LRIG2: variants seen among roughly 807,000 people sequenced by gnomAD.
LRIG2 encodes the protein leucine-rich repeats and immunoglobulin-like domains protein 2.
Under a neutral mutation model 107.8 loss-of-function variants are expected in LRIG2, and 93 were observed. The observed-to-expected ratio is 0.86, with a 90% confidence interval of 0.73 to 1.03. The LOEUF (loss-of-function observed/expected upper bound fraction) is 1.03. Among genes scored for constraint, LRIG2 ranks in the 50% least tolerant of loss-of-function variants. The pLI is 0.00. For synonymous variants in LRIG2, 471 were observed against 470.6 expected, an observed-to-expected ratio of 1.00 and a Z score of -0.01; for missense variants, 1,226 against 1,296.0, an observed-to-expected ratio of 0.95 and a Z score of 0.83.
intron 8 of LRIG2, among the ~76,000 whole-genome samples, chr1:113,097,567 CAG>C (rs1654120939): frequency 6.6e-6 from 1 of 152,158 alleles, no homozygotes. Context: ...AATGCAATCT[CAG>C]AAACTTAGAT....
In LRIG2 at chr1:113,096,240, G is replaced by T; in HGVS notation, c.966G>T (p.Gln322His). The part of the protein sequence containing the change: ...RLSELDLSYN[Q>H]LTRLDESAFV... ...TTTTCAGTGATTTGTCCTATAACCA[G>T]CTGACCCGCCTGGATGAATCTGCCT... The change falls in exon 8 of 18, where the codon CAG becomes CAT. Residue 322 changes from glutamine (Q) to histidine (H), a missense_variant. Physicochemically the swap from Gln to His is conservative, Grantham distance 24 (BLOSUM62 0). Around this residue, in one of 3 missense-constraint regions of LRIG2, gnomAD observed 570 missense variants for 550.2 expected, o/e 1.04. Transcript: ENST00000361127. The T allele has an allele frequency of 6.2e-7, 1 of 1,613,898 alleles. No individual in the cohort carries two copies. The highest frequency in any genetic ancestry group is 1.1e-5 in the South Asian group (1 of 90,968).
chr1:113,080,008 G>A (rs899750498), intron 1 of LRIG2, among the ~76,000 whole-genome samples: 36 of 137,408 alleles, frequency 2.6e-4, no homozygotes, highest in Non-Finnish European at 4.4e-4. Flanking sequence ...GAGCCACTGC[G>A]CCTGGCCCGA....
In LRIG2 at chr1:113,094,686, A is replaced by G. The variant is rs773199605; in HGVS notation, c.734A>G (p.Lys245Arg). 166 of 1,613,898 alleles carry G rather than the reference A, an allele frequency of 1.0e-4. No homozygotes were observed. The highest frequency in any genetic ancestry group is 1.3e-4 in the Non-Finnish European group (156 of 1,179,948). ...FQGLDSLRSL[K>R]MQRNGISKLK... Reference sequence around the variant, plus strand: ...GGGCTTGACTCCTTAAGATCTTTGAAAATGCAGCGGAATGGAATTAGCAAA... The same window carrying G: ...GGGCTTGACTCCTTAAGATCTTTGAGAATGCAGCGGAATGGAATTAGCAAA... Residue 245 changes from lysine (K) to arginine (R), a missense_variant, in exon 6 of 18, where the codon AAA becomes AGA. This residue lies in a region of LRIG2 where 570 missense variants were observed against 550.2 expected (regional missense o/e 1.04). Transcript: ENST00000361127.
chr1:113,093,709 C>T, intron 4 of LRIG2, 145 bp downstream of exon 4: 1 of 390,672 alleles, frequency 2.6e-6, no homozygotes, highest in East Asian at 6.1e-5. Context: ...ACCAGCATGG[C>T]ACATGTATAC....
intron 1 of LRIG2, 107 bp downstream of exon 1, chr1:113,073,752 T>A: frequency 9.5e-7 from 1 of 1,047,938 alleles, no homozygotes; most frequent in Non-Finnish European, 1.4e-6. Context: ...GTCGAGAGCC[T>A]AAGCTCTGAA....
intron 2 of LRIG2, 99 bp downstream of exon 2, chr1:113,091,482 A>G: frequency 1.4e-6 from 1 of 703,708 alleles, no homozygotes; most frequent in Non-Finnish European, 2.3e-6. Context: ...CCATAAAAAA[A>G]TTGAAGGAAA....
At chr1:113,086,440 T>G (rs930072684) in intron 1 of LRIG2, among the ~76,000 whole-genome samples, 3 of 152,238 alleles carry the variant, frequency 2.0e-5, no homozygotes, top group African/African-American at 4.8e-5. Context: ...CAATATTTTC[T>G]TATGATTTAA....
At chr1:113,106,895 G>GT (rs1291027653) in intron 11 of LRIG2, among the ~76,000 whole-genome samples, 3 of 152,150 alleles carry the variant, frequency 2.0e-5, no homozygotes, top group African/African-American at 7.2e-5. Flanking sequence ...CCAATATATA[G>GT]TAAGTGTTTC....
At position 113,107,583 on chromosome 1, in the gene LRIG2, C is replaced by A. The variant is rs748162573; in HGVS notation, c.1314-11C>A. 6 of 1,599,692 alleles carry A rather than the reference C, an allele frequency of 3.8e-6. No homozygotes were observed. Among genetic ancestry groups the A allele is most frequent in the Non-Finnish European group, 5.1e-6 (6 of 1,176,164 alleles). Reference sequence around the variant, plus strand: ...AAACAAAGGATGCTTTTCCTCTTTTCTTTCCTGCAGGATTCTGAACACAAG... The same window carrying A: ...AAACAAAGGATGCTTTTCCTCTTTTATTTCCTGCAGGATTCTGAACACAAG... On this transcript the variant is annotated splice_polypyrimidine_tract_variant and intron_variant, in intron 11 of 17. Transcript: ENST00000361127.
chr1:113,094,343 TTAAG>T lies in LRIG2; in HGVS notation c.524_527del (p.Ser175IlefsTer4), dbSNP rs1340760038. The T allele has an allele frequency of 6.3e-7, 1 of 1,593,562 alleles. No homozygotes were observed. Among genetic ancestry groups the T allele is most frequent in the Non-Finnish European group, 8.5e-7 (1 of 1,174,706 alleles). Reference sequence around the variant, plus strand: ...CTATTATCTTGTTTATTTTAGGAATTTAAGTAATAACAGAATAACCACCTTGGAG... The same window carrying T: ...CTATTATCTTGTTTATTTTAGGAATTTAATAACAGAATAACCACCTTGGAG... On this transcript the variant is annotated frameshift_variant, in exon 5 of 18. Transcript: ENST00000361127. LOFTEE classifies it high-confidence loss of function.
chr1:113,087,878 C>T (rs1570733938), intron 1 of LRIG2, among the ~76,000 whole-genome samples: 1 of 152,114 alleles, frequency 6.6e-6, no homozygotes, highest in South Asian at 2.1e-4. Context: ...AGTGACTGCA[C>T]CTCTGAGAAT....
intron 1 of LRIG2, among the ~76,000 whole-genome samples, chr1:113,089,739 T>C (rs1466304157): frequency 7.4e-6 from 1 of 134,262 alleles, no homozygotes; most frequent in African/African-American, 2.7e-5. Context: ...TGGAGTGCAG[T>C]GGTGCAATCT....
intron 9 of LRIG2, among the ~76,000 whole-genome samples, chr1:113,099,127 G>A (rs1317637977): frequency 6.6e-6 from 1 of 152,022 alleles, no homozygotes; most frequent in Non-Finnish European, 1.5e-5. Flanking sequence ...AGTAGAGACA[G>A]GGTTTCACCA....
At chr1:113,073,795 T>G in intron 1 of LRIG2, 150 bp downstream of exon 1, 1 of 744,018 alleles carries the variant, frequency 1.3e-6, no homozygotes, top group Non-Finnish European at 2.1e-6. Flanking sequence ...TGAACTTTGT[T>G]TTAGGTGGTG....
In LRIG2 at chr1:113,073,763, G is replaced by A. The variant is rs1296711924; in HGVS notation, c.239+118G>A. The A allele has an allele frequency of 9.9e-6, 7 of 710,206 alleles. No homozygotes were observed. In the Admixed American group the frequency reaches 1.5e-4, roughly 16 times the overall value. 44.0% of individuals were successfully genotyped at this position (710,206 alleles called of 1,614,324 possible). ...TGTGGTCGAGAGCCTAAGCTCTGAA[G>A]GAAACTGCCGTCAGGATTTTATGAA... On this transcript the variant is annotated intron_variant, in intron 1 of 17. Transcript: ENST00000361127.
In LRIG2 at chr1:113,095,948, A is replaced by T; in HGVS notation, c.878A>T (p.Tyr293Phe). The T allele has an allele frequency of 6.2e-7, 1 of 1,614,216 alleles. No homozygotes were observed. The highest frequency in any genetic ancestry group is 8.5e-7 in the Non-Finnish European group (1 of 1,180,022). ...GGCTTGCGAATGTTACAGCAGCTCT[A>T]TGTGAGCCAGAATGCTATTGAAAGA... ...LYGLRMLQQL[Y>F]VSQNAIERIS... The change falls in exon 7 of 18, where the codon TAT becomes TTT. Residue 293 changes from tyrosine (Y) to phenylalanine (F), a missense_variant. By Grantham distance (22) the Tyr-to-Phe change is conservative (BLOSUM62 3). Around this residue, in one of 3 missense-constraint regions of LRIG2, gnomAD observed 570 missense variants for 550.2 expected, o/e 1.04. Transcript: ENST00000361127.
chr1:113,091,753 C>T (rs1570738789), intron 2 of LRIG2, among the ~76,000 whole-genome samples: 1 of 152,126 alleles, frequency 6.6e-6, no homozygotes, highest in Non-Finnish European at 1.5e-5. Context: ...AGCATCATGT[C>T]TAAAGTAGAT....
intron 1 of LRIG2, among the ~76,000 whole-genome samples, chr1:113,080,352 C>T (rs932519111): frequency 1.3e-5 from 2 of 150,260 alleles, no homozygotes; most frequent in Non-Finnish European, 3.0e-5. Flanking sequence ...GTTAAAGCAA[C>T]CCATTCTAAT....
intron 13 of LRIG2, among the ~76,000 whole-genome samples, chr1:113,110,873 C>G (rs1557914803): frequency 6.6e-6 from 1 of 152,134 alleles, no homozygotes. Context: ...AACCATAAAT[C>G]TCTCTTGATA....
Sources: allele counts gnomAD v4.1 joint callset (sites outside exome capture counted in the v4.1 genomes callset), GRCh38; gene constraint gnomAD v4.1.1; regional missense constraint gnomAD v4.1.1; transcripts MANE v1.5; gene names NCBI Gene and HGNC (gene_info 2026-07-23, HGNC 2026-07-21).